Variants in MAN2A1 observed in about 807,000 individuals in gnomAD.
The protein encoded by MAN2A1 is alpha-mannosidase 2.
A neutral mutation model predicts 142.6 loss-of-function variants in MAN2A1; 76 were observed. The ratio of observed to expected loss-of-function variants is 0.53; its 90% CI spans 0.44 to 0.65. The LOEUF (loss-of-function observed/expected upper bound fraction) is 0.65, where lower values mean the gene tolerates loss of function less well. Among genes scored for constraint, MAN2A1 ranks in the 30% least tolerant of loss-of-function variants. MAN2A1 has a pLI of 0.00. For missense variants in MAN2A1, 1,311 were observed against 1,365.1 expected, an observed-to-expected ratio of 0.96 and a Z score of 0.62; for synonymous variants, 559 against 473.2, an observed-to-expected ratio of 1.18 and a Z score of -2.35.
chr5:109,834,997 A>G (rs948428988), intron 16 of MAN2A1, among the ~76,000 whole-genome samples: 2 of 152,102 alleles, frequency 1.3e-5, no homozygotes, highest in Non-Finnish European at 1.5e-5. Context: ...TATGGTCACG[A>G]TAATATTTTC....
At chr5:109,695,557 G>C (rs1750788855) in intron 1 of MAN2A1, among the ~76,000 whole-genome samples, 1 of 152,114 alleles carries the variant, frequency 6.6e-6, no homozygotes. Flanking sequence ...TTGCATTCAG[G>C]AGTCTTAGTT....
chr5:109,813,369 G>C lies in MAN2A1; in HGVS notation c.1944-3904G>C, dbSNP rs576382663. Among the ~76,000 whole-genome samples the C allele has an allele frequency of 2.0e-5, 3 of 152,354 alleles. No individual in the cohort carries two copies. In the South Asian group the frequency reaches 6.2e-4, roughly 32 times the overall value. ...ACAAAGATCCTTATATGCCTGGCCT[G>C]TGAGTGAAGTAGTTAAGAAGATGGG... On this transcript the variant is annotated intron_variant, in intron 12 of 21. Transcript: ENST00000261483.
intron 1 of MAN2A1, among the ~76,000 whole-genome samples, chr5:109,712,032 C>T (rs192389407): frequency 4.6e-5 from 7 of 152,112 alleles, no homozygotes; most frequent in Admixed American, 3.3e-4. Flanking sequence ...TAGATATTCA[C>T]CCCTAGTGTT....
intron 3 of MAN2A1, among the ~76,000 whole-genome samples, chr5:109,719,905 G>C (rs1477751337): frequency 6.6e-6 from 1 of 152,136 alleles, no homozygotes. Flanking sequence ...TGTTTTACAT[G>C]AGTAAAAACT....
chr5:109,709,604 A>G (rs530464132), intron 1 of MAN2A1, among the ~76,000 whole-genome samples: 1 of 152,190 alleles, frequency 6.6e-6, no homozygotes, highest in Admixed American at 6.5e-5. Context: ...CTGTAGATAC[A>G]CATTGATTGA....
chr5:109,809,476 G>A (rs192866112), intron 12 of MAN2A1, among the ~76,000 whole-genome samples: 65 of 152,068 alleles, frequency 4.3e-4, no homozygotes, highest in Non-Finnish European at 5.9e-5. Flanking sequence ...TTTCTCTGAA[G>A]GCATTTTTAT....
intron 16 of MAN2A1, among the ~76,000 whole-genome samples, chr5:109,830,055 G>A (rs1278363552): frequency 1.3e-5 from 2 of 152,036 alleles, no homozygotes; most frequent in African/African-American, 4.8e-5. Context: ...AATTTATATT[G>A]CTCTGATAGG....
chr5:109,833,535 A>C (rs1221251452), intron 16 of MAN2A1, among the ~76,000 whole-genome samples: 2 of 152,108 alleles, frequency 1.3e-5, no homozygotes, highest in African/African-American at 4.8e-5. Context: ...TCAGGCGTGG[A>C]GGCGTGCGCC....
intron 1 of MAN2A1, among the ~76,000 whole-genome samples, chr5:109,710,852 A>G (rs1234321493): frequency 6.6e-6 from 1 of 152,052 alleles, no homozygotes; most frequent in Non-Finnish European, 1.5e-5. Flanking sequence ...CACCATGTCC[A>G]GCTAATTTTG....
At position 109,767,662 on chromosome 5, in the gene MAN2A1, C is replaced by A; in HGVS notation, c.963C>A (p.His321Gln). The stretch of plus-strand genomic sequence containing the variant: ...GAGTTCATTATGCAGTTAAAAAACA[C>A]TTTGCACTGCATAAAACATTGGAGT... ...IQRVHYAVKKHFALHKTLEFF... is the reference protein window; with the variant it reads ...IQRVHYAVKKQFALHKTLEFF... Residue 321 changes from histidine to glutamine, a missense_variant, in exon 6 of 22, where the codon CAC becomes CAA. By Grantham distance (24) the His-to-Gln change is conservative (BLOSUM62 0). Transcript: ENST00000261483. 1 of 1,613,496 alleles carries A rather than the reference C, an allele frequency of 6.2e-7. No homozygotes were observed. The highest frequency in any genetic ancestry group is 8.5e-7 in the Non-Finnish European group (1 of 1,179,634).
intron 5 of MAN2A1, among the ~76,000 whole-genome samples, chr5:109,757,700 A>G (rs1009400941): frequency 1.3e-5 from 2 of 152,012 alleles, no homozygotes; most frequent in African/African-American, 2.4e-5. Flanking sequence ...TCCCCTTCCT[A>G]GCTTCACCCT....
At chr5:109,717,432 A>G (rs2269203) in intron 3 of MAN2A1, among the ~76,000 whole-genome samples, 26,413 of 152,178 alleles carry the variant, frequency 0.17, 3,237 homozygotes, top group East Asian at 0.64. Context: ...TGCAATATTT[A>G]GTGTGCACTG....
At chr5:109,847,826 T>A (rs753697435) in intron 19 of MAN2A1, 36 bp downstream of exon 19, 2 of 1,397,304 alleles carry the variant, frequency 1.4e-6, no homozygotes, top group Non-Finnish European at 1.9e-6. Context: ...TGATATTGAT[T>A]GTTCTTTGTC....
chr5:109,801,117 G>T (rs1054724478), intron 12 of MAN2A1, among the ~76,000 whole-genome samples: 5 of 152,136 alleles, frequency 3.3e-5, no homozygotes, highest in African/African-American at 1.2e-4. Context: ...TCTGAAGAAA[G>T]CCTTTTATTA....
intron 1 of MAN2A1, among the ~76,000 whole-genome samples, chr5:109,694,132 T>G (rs529499258): frequency 6.6e-6 from 1 of 152,338 alleles, no homozygotes; most frequent in Admixed American, 6.5e-5. Context: ...GTATAACAAA[T>G]GATCACTTTT....
intron 3 of MAN2A1, among the ~76,000 whole-genome samples, chr5:109,722,114 ATTC>A (rs2112573483): frequency 6.6e-6 from 1 of 152,300 alleles, no homozygotes; most frequent in South Asian, 2.1e-4. Flanking sequence ...TTTTTGGATA[ATTC>A]TTCTGAAACC....
chr5:109,694,922 G>A (rs1011719612), intron 1 of MAN2A1, among the ~76,000 whole-genome samples: 7 of 152,144 alleles, frequency 4.6e-5, no homozygotes, highest in African/African-American at 1.4e-4. Flanking sequence ...ACTTGGTGCT[G>A]GGGTTTGTTC....
At chr5:109,758,100 A>C (rs531898736) in intron 5 of MAN2A1, among the ~76,000 whole-genome samples, 1 of 152,132 alleles carries the variant, frequency 6.6e-6, no homozygotes, top group Non-Finnish European at 1.5e-5. Flanking sequence ...GAAACTGTCA[A>C]ACTTTTCCAA....
At chr5:109,750,959 A>G (rs1156892958) in intron 4 of MAN2A1, among the ~76,000 whole-genome samples, 1 of 152,094 alleles carries the variant, frequency 6.6e-6, no homozygotes, top group Non-Finnish European at 1.5e-5. Flanking sequence ...CACCTTGAGT[A>G]TCATTTCTAA....
Sources: allele counts gnomAD v4.1 joint callset (sites outside exome capture counted in the v4.1 genomes callset), GRCh38; gene constraint gnomAD v4.1.1; transcripts MANE v1.5; gene names NCBI Gene and HGNC (gene_info 2026-07-23, HGNC 2026-07-21).